OLFM3: variants seen among roughly 807,000 people sequenced by gnomAD.
OLFM3 encodes olfactomedin 3, also known as noelin-3.
In OLFM3, 20 loss-of-function variants were observed where a neutral mutation model predicts 48.6. The ratio of observed to expected loss-of-function variants is 0.41; its 90% CI spans 0.29 to 0.60. The LOEUF is 0.60. Among genes scored for constraint, OLFM3 ranks in the 20% least tolerant of loss-of-function variants. The pLI, the probability that OLFM3 is intolerant of heterozygous loss-of-function variation, is 0.28. For synonymous variants in OLFM3, 222 were observed against 198.1 expected (o/e 1.12, Z -1.01); for missense variants, 437 against 544.3 (o/e 0.80, Z 1.96).
At chr1:101,992,625 CT>C (rs5776617) in intron 1 of OLFM3, among the ~76,000 whole-genome samples, 141,573 of 146,566 alleles carry the variant, frequency 0.97, 68,443 homozygotes, top group South Asian at 1. Flanking sequence ...ATTTCTCTTG[CT>C]TTTTTTTTTT....
At chr1:101,970,938 G>T (rs1660766275) in intron 1 of OLFM3, among the ~76,000 whole-genome samples, 1 of 140,824 alleles carries the variant, frequency 7.1e-6, no homozygotes, top group African/African-American at 2.5e-5. Context: ...TTACTGCTGT[G>T]TATAAAATGC....
chr1:101,940,729 G>T (rs914843481), intron 1 of OLFM3, among the ~76,000 whole-genome samples: 45 of 147,962 alleles, frequency 3.0e-4, no homozygotes, highest in African/African-American at 1.0e-3. Flanking sequence ...TGTATATATA[G>T]CTTTGTATAT....
chr1:101,862,946 C>G (rs893939022), intron 1 of OLFM3, among the ~76,000 whole-genome samples: 2 of 151,452 alleles, frequency 1.3e-5, no homozygotes, highest in African/African-American at 4.9e-5. Flanking sequence ...ATTGATTTTT[C>G]AAGTTGAATA....
chr1:101,823,402 C>T (rs1159008800), intron 4 of OLFM3, among the ~76,000 whole-genome samples: 1 of 151,904 alleles, frequency 6.6e-6, no homozygotes, highest in Non-Finnish European at 1.5e-5. Flanking sequence ...GGTGAAAGTG[C>T]GTTGATGGAG....
chr1:101,838,278 T>C (rs1365780622), intron 1 of OLFM3, among the ~76,000 whole-genome samples: 3 of 152,176 alleles, frequency 2.0e-5, no homozygotes, highest in African/African-American at 7.2e-5. Flanking sequence ...AGCCTGGTCT[T>C]GAATTCCTAG....
chr1:101,977,101 G>A (rs544844605), intron 1 of OLFM3, among the ~76,000 whole-genome samples: 46 of 152,230 alleles, frequency 3.0e-4, no homozygotes, highest in African/African-American at 1.1e-3. Flanking sequence ...TACAAACTAT[G>A]AGTCTTACCA....
In OLFM3 at chr1:101,865,606, G is replaced by A. The variant is rs539359567; in HGVS notation, c.70-28581C>T. Among the ~76,000 whole-genome samples the A allele has an allele frequency of 5.9e-5, 9 of 152,240 alleles. No homozygotes were observed. In the South Asian group the frequency reaches 1.0e-3, roughly 18 times the overall value. On this transcript the variant is annotated intron_variant, in intron 1 of 5. Coordinates refer to ENST00000370103, the MANE Select transcript of OLFM3 (RefSeq NM_058170.4). ...AATCAGCAGCAGGTCATTCAGCAGCGCTTTGTGCCAATGTACCATATAACC... is the reference window on the plus strand; with the variant it reads ...AATCAGCAGCAGGTCATTCAGCAGCACTTTGTGCCAATGTACCATATAACC...
chr1:101,950,042 A>G (rs79322778), intron 1 of OLFM3, among the ~76,000 whole-genome samples: 68 of 151,678 alleles, frequency 4.5e-4, no homozygotes, highest in African/African-American at 1.3e-3. Flanking sequence ...AAAAAAAAAA[A>G]AAAAAAGAAA....
Position 101,978,645 on chromosome 1 carries a change from G to A in OLFM3, c.69+18103C>T, listed in dbSNP as rs1570684754. The stretch of plus-strand genomic sequence containing the variant: ...TTGATCATTGAGGTTTCACTCTTTA[G>A]TAGTAACCAGATCAAACTCTTGCTC... On this transcript the variant is annotated intron_variant, in intron 1 of 5. Transcript: ENST00000370103. Among the ~76,000 whole-genome samples, 3 of 152,036 alleles carry A rather than the reference G, an allele frequency of 2.0e-5. No homozygotes were observed. In the South Asian group the frequency reaches 6.2e-4, roughly 32 times the overall value.
At chr1:101,993,032 C>G (rs187839394) in intron 1 of OLFM3, among the ~76,000 whole-genome samples, 1 of 152,158 alleles carries the variant, frequency 6.6e-6, no homozygotes, top group Admixed American at 6.5e-5. Context: ...CAGCACGGTT[C>G]CCCTGATAGG....
At chr1:101,991,652 C>G (rs1368711595) in intron 1 of OLFM3, among the ~76,000 whole-genome samples, 3 of 150,734 alleles carry the variant, frequency 2.0e-5, no homozygotes, top group Non-Finnish European at 3.0e-5. Flanking sequence ...TTACATTTCC[C>G]TAGATGACTT....
intron 1 of OLFM3, among the ~76,000 whole-genome samples, chr1:101,866,513 T>G (rs950326618): frequency 1.3e-5 from 2 of 152,100 alleles, no homozygotes; most frequent in Non-Finnish European, 2.9e-5. Context: ...GTAAGTAGTT[T>G]GTTAAATGTC....
At chr1:101,874,759 T>C (rs2100981414) in intron 1 of OLFM3, among the ~76,000 whole-genome samples, 1 of 151,948 alleles carries the variant, frequency 6.6e-6, no homozygotes, top group East Asian at 1.9e-4. Flanking sequence ...TGTGATACTG[T>C]TTGAGGTATT....
chr1:101,953,092 T>G (rs1322902402), intron 1 of OLFM3, among the ~76,000 whole-genome samples: 1 of 152,208 alleles, frequency 6.6e-6, no homozygotes, highest in Non-Finnish European at 1.5e-5. Context: ...CTTCTCAATA[T>G]TTTTATTAAT....
intron 1 of OLFM3, among the ~76,000 whole-genome samples, chr1:101,846,168 G>A (rs534156601): frequency 5.9e-5 from 9 of 152,254 alleles, no homozygotes; most frequent in African/African-American, 2.2e-4. Context: ...AAGTAGGGAG[G>A]ATTAAAAAGC....
chr1:101,975,767 T>C (rs963995865), intron 1 of OLFM3, among the ~76,000 whole-genome samples: 1 of 152,136 alleles, frequency 6.6e-6, no homozygotes, highest in Non-Finnish European at 1.5e-5. Context: ...GGTAGCAGAA[T>C]GTTAGCCCAT....
intron 1 of OLFM3, among the ~76,000 whole-genome samples, chr1:101,915,698 T>C (rs1437837681): frequency 6.6e-6 from 1 of 152,186 alleles, no homozygotes; most frequent in East Asian, 1.9e-4. Context: ...GTCCTATCGC[T>C]GGAAACCACA....
At chr1:101,817,491 G>A (rs151200627) in intron 4 of OLFM3, among the ~76,000 whole-genome samples, 1 of 152,080 alleles carries the variant, frequency 6.6e-6, no homozygotes, top group African/African-American at 2.4e-5. Context: ...CTTATAGTCA[G>A]TTACAATCCA....
chr1:101,972,721 T>C (rs1660839888), intron 1 of OLFM3, among the ~76,000 whole-genome samples: 1 of 152,242 alleles, frequency 6.6e-6, no homozygotes, highest in Non-Finnish European at 1.5e-5. Flanking sequence ...AGACTTTATT[T>C]ATTCTCAACA....
Sources: allele counts gnomAD v4.1 joint callset (sites outside exome capture counted in the v4.1 genomes callset), GRCh38; gene constraint gnomAD v4.1.1; transcripts MANE v1.5; gene names NCBI Gene and HGNC (gene_info 2026-07-23, HGNC 2026-07-21).